AFTPH: variants seen among roughly 807,000 people sequenced by gnomAD.
AFTPH encodes aftiphilin protein.
AFTPH carries 7 observed loss-of-function variants against 72.5 expected under a neutral mutation model. That is an observed-to-expected ratio of 0.10 (90% confidence interval 0.05 to 0.18). The LOEUF (loss-of-function observed/expected upper bound fraction) is 0.18, where lower values mean the gene tolerates loss of function less well. AFTPH is among the 10% of genes least tolerant of loss of function. AFTPH has a pLI of 1.00. For synonymous variants in AFTPH, 337 were observed against 370.1 expected (o/e 0.91, Z 1.03); for missense variants, 979 against 1,060.5 (o/e 0.92, Z 1.07).
At chr2:64,554,387 G>C (rs1452345610) in intron 2 of AFTPH, among the ~76,000 whole-genome samples, 1 of 152,116 alleles carries the variant, frequency 6.6e-6, no homozygotes, top group Non-Finnish European at 1.5e-5. Context: ...GCCTTATACT[G>C]ACAATTGATA....
chr2:64,581,505 C>T (rs1434636462), intron 7 of AFTPH, among the ~76,000 whole-genome samples: 1 of 152,106 alleles, frequency 6.6e-6, no homozygotes, highest in African/African-American at 2.4e-5. Flanking sequence ...AGGAATAAAA[C>T]ATCCCTAATG....
At chr2:64,567,934 T>TA (rs1469034338) in intron 3 of AFTPH, among the ~76,000 whole-genome samples, 1 of 151,860 alleles carries the variant, frequency 6.6e-6, no homozygotes, top group African/African-American at 2.4e-5. Flanking sequence ...CCCAGCTACT[T>TA]GGGATTGAGG....
At chr2:64,535,381 GA>G (rs370413454) in intron 1 of AFTPH, among the ~76,000 whole-genome samples, 2 of 152,186 alleles carry the variant, frequency 1.3e-5, no homozygotes, top group South Asian at 2.1e-4. Flanking sequence ...CCTATTAGGG[GA>G]AAAAAACATG....
chr2:64,547,572 T>C (rs1670729344), intron 1 of AFTPH, among the ~76,000 whole-genome samples: 1 of 152,194 alleles, frequency 6.6e-6, no homozygotes, highest in African/African-American at 2.4e-5. Flanking sequence ...ACTATGCAAA[T>C]ATCCAGTTCC....
At chr2:64,578,616 G>A (rs1228094344) in intron 6 of AFTPH, among the ~76,000 whole-genome samples, 2 of 151,442 alleles carry the variant, frequency 1.3e-5, no homozygotes, top group Non-Finnish European at 2.9e-5. Flanking sequence ...GTGCAGTAGT[G>A]GCACGATCTC....
chr2:64,536,279 G>A (rs182259669), intron 1 of AFTPH, among the ~76,000 whole-genome samples: 2 of 152,214 alleles, frequency 1.3e-5, no homozygotes, highest in East Asian at 3.9e-4. Context: ...AGAATATAGG[G>A]AAGCGGCTGA....
At chr2:64,575,703 ATGTGTG>A (rs149890368) in intron 6 of AFTPH, among the ~76,000 whole-genome samples, 63,669 of 144,918 alleles carry the variant, frequency 0.44, 15,426 homozygotes, top group East Asian at 0.55. Context: ...ATGTGTGTAT[ATGTGTG>A]TGTGTGTGTG....
chr2:64,592,361 A>T (rs1039335580), exon 9 of AFTPH: 5 of 173,084 alleles, frequency 2.9e-5, no homozygotes, highest in African/African-American at 1.2e-4. Flanking sequence ...ATAAAAAAAA[A>T]ACTCAAATCT....
chr2:64,566,928 A>G (rs113400562), intron 2 of AFTPH, among the ~76,000 whole-genome samples: 4 of 152,344 alleles, frequency 2.6e-5, no homozygotes, highest in African/African-American at 9.6e-5. Flanking sequence ...CTAAAAGATA[A>G]TGCATATCAC....
rs181282646 is a variant in AFTPH, at chr2:64,543,320, A to G, written c.-32-8123A>G. Among the ~76,000 whole-genome samples, 195 of 152,324 alleles carry G rather than the reference A, an allele frequency of 1.3e-3. 1 individual carries two copies. The highest frequency in any genetic ancestry group is 2.4e-3 in the Non-Finnish European group (166 of 68,022). On this transcript the variant is annotated intron_variant, in intron 1 of 8. Transcript: ENST00000238856. ...TTTTGCACATATCTTCTCCCAGGCA[A>G]TGGCTTTCTTGGTTTTTCACTCTAT...
chr2:64,546,884 C>A (rs958125442), intron 1 of AFTPH, among the ~76,000 whole-genome samples: 272 of 133,890 alleles, frequency 2.0e-3, no homozygotes, highest in African/African-American at 6.2e-3. Context: ...AAAAAAAATC[C>A]AAAAAAAAAA....
chr2:64,535,628 A>G (rs973419999), intron 1 of AFTPH, among the ~76,000 whole-genome samples: 2 of 152,266 alleles, frequency 1.3e-5, no homozygotes, highest in Non-Finnish European at 1.5e-5. Context: ...TACCTTGCAC[A>G]GTACCTATCA....
intron 7 of AFTPH, chr2:64,580,195 C>G (rs1441258133): frequency 6.6e-6 from 1 of 152,560 alleles, no homozygotes; most frequent in Non-Finnish European, 1.5e-5. Flanking sequence ...AAGTAACACA[C>G]CAATGTTAGT....
chr2:64,580,456 C>T (rs893025173), intron 7 of AFTPH: 2 of 151,956 alleles, frequency 1.3e-5, no homozygotes, highest in Admixed American at 6.6e-5. Context: ...CTGGTGTCTT[C>T]AGTCAAATCA....
chr2:64,533,153 T>G (rs1669717067), intron 1 of AFTPH, among the ~76,000 whole-genome samples: 1 of 152,106 alleles, frequency 6.6e-6, no homozygotes, highest in Non-Finnish European at 1.5e-5. Flanking sequence ...ATCCCAGCAC[T>G]TTGAGAGGCC....
intron 2 of AFTPH, among the ~76,000 whole-genome samples, chr2:64,561,520 T>A (rs558373687): frequency 6.6e-6 from 1 of 151,868 alleles, no homozygotes; most frequent in African/African-American, 2.4e-5. Context: ...CTACAAAAAA[T>A]AAAAAATAAA....
At chr2:64,531,101 C>A (rs1168552790) in intron 1 of AFTPH, among the ~76,000 whole-genome samples, 14 of 143,694 alleles carry the variant, frequency 9.7e-5, no homozygotes, top group African/African-American at 3.1e-4. Context: ...ATGAAAAAAA[C>A]CATGCTTTTT....
In AFTPH at chr2:64,576,190, TATATATAAC is replaced by T. The variant is rs1353269481; in HGVS notation, c.2394+3130_2394+3138del. ...ATATATGGATTTACATATACATATA[TATATATAAC>T]ATATATATATATGTAAATATATGTA... On this transcript the variant is annotated intron_variant, in intron 6 of 8. Transcript: ENST00000238856. 4.1e-5 allele frequency among the ~76,000 whole-genome samples: 6 copies of T among 147,806 alleles called. No homozygotes were observed. The South Asian group carries it at 6.3e-4, about 15-fold the overall frequency.
chr2:64,535,342 A>G (rs891215434), intron 1 of AFTPH, among the ~76,000 whole-genome samples: 2 of 152,238 alleles, frequency 1.3e-5, no homozygotes, highest in Non-Finnish European at 2.9e-5. Context: ...TATTAGAGAA[A>G]AAAGTTAATA....
Sources: gnomAD v4.1 joint callset for allele counts (sites outside exome capture counted in the v4.1 genomes callset) on GRCh38, gnomAD v4.1.1 for gene constraint, MANE v1.5 for transcripts, NCBI Gene and HGNC (gene_info 2026-07-23, HGNC 2026-07-21) for gene names.